Variants in CDYL2 observed in about 807,000 individuals in gnomAD.
CDYL2 encodes chromodomain Y-like protein 2.
Under a neutral mutation model 49.4 loss-of-function variants are expected in CDYL2, and 23 were observed. That is an observed-to-expected ratio of 0.47 (90% CI 0.34 to 0.66). The LOEUF (loss-of-function observed/expected upper bound fraction) is 0.66. Ranked by LOEUF, CDYL2 falls within the 30% of genes least tolerant of loss-of-function variation. The pLI, the probability that CDYL2 is intolerant of heterozygous loss-of-function variation, is 0.01. For synonymous variants in CDYL2, 360 were observed against 268.8 expected (o/e 1.34, Z -3.32); for missense variants, 678 against 656.4 (o/e 1.03, Z -0.36).
intron 1 of CDYL2, among the ~76,000 whole-genome samples, chr16:80,754,838 G>C (rs1312026468): frequency 6.6e-6 from 1 of 152,108 alleles, no homozygotes; most frequent in Non-Finnish European, 1.5e-5. Flanking sequence ...GGAAATCAAA[G>C]GGCTCCCAGG....
intron 2 of CDYL2, among the ~76,000 whole-genome samples, chr16:80,675,570 G>A (rs1318983483): frequency 6.6e-6 from 1 of 152,154 alleles, no homozygotes; most frequent in Non-Finnish European, 1.5e-5. Flanking sequence ...TCAGGGTGGA[G>A]GAAGGCCCTG....
intron 1 of CDYL2, among the ~76,000 whole-genome samples, chr16:80,705,022 C>A (rs527398081): frequency 2.6e-5 from 4 of 152,162 alleles, no homozygotes; most frequent in Admixed American, 6.5e-5. Flanking sequence ...GTGAGTTCCT[C>A]GTGGGCAGAT....
intron 1 of CDYL2, among the ~76,000 whole-genome samples, chr16:80,785,407 G>C (rs970315475): frequency 6.6e-6 from 1 of 152,102 alleles, no homozygotes; most frequent in African/African-American, 2.4e-5. Flanking sequence ...CAACTTACAA[G>C]GGATGTGAAG....
chr16:80,686,225 A>C (rs1157267425), intron 1 of CDYL2, among the ~76,000 whole-genome samples: 2 of 152,204 alleles, frequency 1.3e-5, no homozygotes, highest in African/African-American at 2.4e-5. Flanking sequence ...GGAAAAATAC[A>C]CTCGGAAAAT....
intron 6 of CDYL2, among the ~76,000 whole-genome samples, chr16:80,606,309 C>T (rs1039297405): frequency 6.6e-6 from 1 of 152,202 alleles, no homozygotes; most frequent in African/African-American, 2.4e-5. Flanking sequence ...CCTGAATTCA[C>T]AGCTTTTGGC....
chr16:80,673,611 G>C (rs1037198297), intron 2 of CDYL2, among the ~76,000 whole-genome samples: 2 of 152,090 alleles, frequency 1.3e-5, no homozygotes, highest in African/African-American at 4.8e-5. Flanking sequence ...CTTGTTACCA[G>C]CAGGTTTCTT....
chr16:80,701,104 G>T (rs990527362), intron 1 of CDYL2, among the ~76,000 whole-genome samples: 1 of 152,132 alleles, frequency 6.6e-6, no homozygotes, highest in South Asian at 2.1e-4. Context: ...CCAGCCATTT[G>T]ACTTTTGAGT....
At chr16:80,709,299 T>C (rs1904510246) in intron 1 of CDYL2, among the ~76,000 whole-genome samples, 1 of 151,716 alleles carries the variant, frequency 6.6e-6, no homozygotes, top group African/African-American at 2.4e-5. Flanking sequence ...AGAGAATCAC[T>C]TGAACCCGGG....
rs548562396 is a variant in CDYL2, at chr16:80,798,350, G to A, written c.24+5800C>T. 9.9e-5 allele frequency among the ~76,000 whole-genome samples: 15 copies of A among 152,250 alleles called. No homozygotes were observed. In the South Asian group the frequency reaches 2.9e-3, roughly 30 times the overall value. On this transcript the variant is annotated intron_variant, in intron 1 of 6. Transcript: ENST00000570137. ...GAGCCACAGTGCCCGGCCTGTGCAG[G>A]TCATTTATAGGCAGATTTCCTTCTG...
At chr16:80,630,654 G>A (rs1907519526) in intron 3 of CDYL2, among the ~76,000 whole-genome samples, 1 of 152,180 alleles carries the variant, frequency 6.6e-6, no homozygotes, top group African/African-American at 2.4e-5. Flanking sequence ...GCGGAGGATG[G>A]AGAGGCCCCC....
chr16:80,787,964 C>G (rs1246442840), intron 1 of CDYL2, among the ~76,000 whole-genome samples: 2 of 152,082 alleles, frequency 1.3e-5, no homozygotes, highest in Non-Finnish European at 2.9e-5. Context: ...CCCAAATAAC[C>G]AAGGCATCAC....
intron 4 of CDYL2, among the ~76,000 whole-genome samples, chr16:80,619,559 A>C (rs1906983194): frequency 6.6e-6 from 1 of 152,148 alleles, no homozygotes; most frequent in Non-Finnish European, 1.5e-5. Flanking sequence ...ATGACGAGAG[A>C]AGCACGCTGG....
intron 4 of CDYL2, among the ~76,000 whole-genome samples, chr16:80,617,884 C>G (rs1000279386): frequency 6.6e-6 from 1 of 152,192 alleles, no homozygotes; most frequent in Non-Finnish European, 1.5e-5. Flanking sequence ...GTTCTCAACC[C>G]TGGCTGCACC....
At chr16:80,659,773 C>A (rs1284219983) in intron 2 of CDYL2, among the ~76,000 whole-genome samples, 1 of 151,748 alleles carries the variant, frequency 6.6e-6, no homozygotes, top group Non-Finnish European at 1.5e-5. Flanking sequence ...AAATATCCTG[C>A]AGATAAGAAT....
chr16:80,739,070 G>C (rs1207766089), intron 1 of CDYL2, among the ~76,000 whole-genome samples: 1 of 152,210 alleles, frequency 6.6e-6, no homozygotes, highest in African/African-American at 2.4e-5. Context: ...AGTATAGTCA[G>C]CCTTTAAAGG....
chr16:80,659,231 T>G (rs1908943247), intron 2 of CDYL2, among the ~76,000 whole-genome samples: 1 of 152,162 alleles, frequency 6.6e-6, no homozygotes, highest in Non-Finnish European at 1.5e-5. Flanking sequence ...ATAACTAGCT[T>G]GTATTCTTCA....
At chr16:80,804,710 CCCGCCCCG>C (rs927167350), upstream of CDYL2, among the ~76,000 whole-genome samples, 1 of 148,660 alleles carries the variant, frequency 6.7e-6, no homozygotes, top group African/African-American at 2.4e-5. Flanking sequence ...AGCGCTCGGG[CCCGCCCCG>C]CCACCCCGGG....
chr16:80,646,230 G>T (rs552034597), intron 2 of CDYL2, among the ~76,000 whole-genome samples: 1 of 151,996 alleles, frequency 6.6e-6, no homozygotes, highest in Admixed American at 6.6e-5. Flanking sequence ...AGATTTGGAT[G>T]GGGACAGAGA....
At chr16:80,735,141 C>T (rs1905475274) in intron 1 of CDYL2, 1 of 152,194 alleles carries the variant, frequency 6.6e-6, no homozygotes. Context: ...CTCAGAAGAA[C>T]ACAAAATAAT....
Sources: gnomAD v4.1 joint callset for allele counts (sites outside exome capture counted in the v4.1 genomes callset) on GRCh38, gnomAD v4.1.1 for gene constraint, MANE v1.5 for transcripts, NCBI Gene and HGNC (gene_info 2026-07-23, HGNC 2026-07-21) for gene names.